The following KCNIP4 variants were observed in gnomAD, a reference collection of about 807,000 sequenced individuals.
The protein encoded by KCNIP4 is potassium voltage-gated channel interacting protein 4.
KCNIP4 carries 12 observed loss-of-function variants against 34.0 expected under a neutral mutation model. The observed-to-expected ratio is 0.35, with a 90% CI of 0.23 to 0.57. The LOEUF (loss-of-function observed/expected upper bound fraction) is 0.57. Ranked by LOEUF, KCNIP4 falls within the 20% of genes least tolerant of loss-of-function variation. The pLI is 0.83. For missense variants in KCNIP4, 238 were observed against 311.7 expected (o/e 0.76, Z 1.78); for synonymous variants, 124 against 102.2 (o/e 1.21, Z -1.29).
intron 1 of KCNIP4, among the ~76,000 whole-genome samples, chr4:21,695,638 T>C (rs1712229324): frequency 6.6e-6 from 1 of 152,142 alleles, no homozygotes; most frequent in African/African-American, 2.4e-5. Context: ...CCACTTACCA[T>C]TTTCGTAAAA....
chr4:20,869,974 G>C (rs1418824546), intron 2 of KCNIP4, among the ~76,000 whole-genome samples: 1 of 152,000 alleles, frequency 6.6e-6, no homozygotes, highest in Non-Finnish European at 1.5e-5. Flanking sequence ...ATAAAATAAT[G>C]TGTATAAAAC....
At chr4:21,866,947 A>G (rs1159436387) in intron 1 of KCNIP4, among the ~76,000 whole-genome samples, 2 of 151,492 alleles carry the variant, frequency 1.3e-5, no homozygotes, top group African/African-American at 2.4e-5. Flanking sequence ...AATTTTTTGT[A>G]TTTTTAGTAG....
intron 1 of KCNIP4, among the ~76,000 whole-genome samples, chr4:21,386,452 G>A (rs1722043845): frequency 6.6e-6 from 1 of 152,094 alleles, no homozygotes; most frequent in Non-Finnish European, 1.5e-5. Context: ...TCAGGAAAAT[G>A]CTCTCCATAT....
intron 1 of KCNIP4, among the ~76,000 whole-genome samples, chr4:21,829,898 T>C (rs1417046832): frequency 3.3e-5 from 5 of 151,794 alleles, no homozygotes; most frequent in African/African-American, 1.2e-4. Flanking sequence ...ATTAACCTAA[T>C]AGTAGAGGAA....
At chr4:20,950,089 T>C (rs1191833820) in intron 1 of KCNIP4, among the ~76,000 whole-genome samples, 2 of 146,498 alleles carry the variant, frequency 1.4e-5, no homozygotes, top group Admixed American at 1.4e-4. Flanking sequence ...AAAGCAATCA[T>C]GAATATCACA....
intron 1 of KCNIP4, chr4:21,656,937 C>T (rs1350471836): frequency 1.3e-5 from 2 of 152,278 alleles, no homozygotes; most frequent in African/African-American, 4.8e-5. Context: ...ACACGATGTT[C>T]CCCACACTTA....
chr4:21,611,100 A>G (rs1040394250), intron 1 of KCNIP4, among the ~76,000 whole-genome samples: 27 of 152,230 alleles, frequency 1.8e-4, no homozygotes, highest in Admixed American at 2.0e-4. Flanking sequence ...TAGTTTGCTG[A>G]GAATGATAGT....
intron 1 of KCNIP4, among the ~76,000 whole-genome samples, chr4:21,238,167 T>A (rs1367256126): frequency 6.6e-6 from 1 of 152,098 alleles, no homozygotes; most frequent in Admixed American, 6.6e-5. Context: ...AGGCCTTTGA[T>A]AAAATTCAAC....
rs142322618 is a variant in KCNIP4, at chr4:21,076,573, A to G, written c.62-193864T>C. Among the ~76,000 whole-genome samples, 6 of 152,290 alleles carry G rather than the reference A, an allele frequency of 3.9e-5. No homozygotes were observed. The East Asian group carries it at 1.2e-3, about 29-fold the overall frequency. On this transcript the variant is annotated intron_variant, in intron 1 of 8. Coordinates refer to ENST00000382152, the MANE Select transcript of KCNIP4 (RefSeq NM_025221.6). Reference sequence around the variant, plus strand: ...TATACTCAATAAAAATTGTTAATTGACTGAACAACTTTCCTAGGTTCATTG... The same window carrying G: ...TATACTCAATAAAAATTGTTAATTGGCTGAACAACTTTCCTAGGTTCATTG...
chr4:21,123,544 T>C (rs1750350781), intron 1 of KCNIP4, among the ~76,000 whole-genome samples: 1 of 152,232 alleles, frequency 6.6e-6, no homozygotes, highest in Non-Finnish European at 1.5e-5. Context: ...CACTATTTAC[T>C]ATATTAAATG....
At chr4:21,829,254 T>C (rs1264405529) in intron 1 of KCNIP4, among the ~76,000 whole-genome samples, 1 of 151,946 alleles carries the variant, frequency 6.6e-6, no homozygotes, top group Non-Finnish European at 1.5e-5. Context: ...ATAACCATTG[T>C]AAAGTAAAAA....
intron 1 of KCNIP4, among the ~76,000 whole-genome samples, chr4:21,543,447 C>T (rs1737868680): frequency 6.6e-6 from 1 of 151,802 alleles, no homozygotes; most frequent in Non-Finnish European, 1.5e-5. Context: ...AATCCTAAAA[C>T]TGTGTAATCT....
At chr4:20,913,892 A>C (rs984482295) in intron 1 of KCNIP4, among the ~76,000 whole-genome samples, 1 of 152,262 alleles carries the variant, frequency 6.6e-6, no homozygotes, top group African/African-American at 2.4e-5. Flanking sequence ...GCGGTGGCTC[A>C]TGCCTGTAAT....
At chr4:21,338,111 G>C (rs1716358989) in intron 1 of KCNIP4, among the ~76,000 whole-genome samples, 4 of 151,878 alleles carry the variant, frequency 2.6e-5, no homozygotes, top group African/African-American at 7.3e-5. Flanking sequence ...AAACAAGGGA[G>C]AATGAACCAA....
intron 1 of KCNIP4, among the ~76,000 whole-genome samples, chr4:20,961,552 G>A (rs549891736): frequency 3.8e-4 from 58 of 152,066 alleles, no homozygotes; most frequent in African/African-American, 1.4e-3. Context: ...AAAAACAAAA[G>A]GAAATTGATA....
intron 1 of KCNIP4, among the ~76,000 whole-genome samples, chr4:21,175,563 C>G (rs1754346202): frequency 1.3e-5 from 2 of 152,148 alleles, no homozygotes; most frequent in South Asian, 4.1e-4. Flanking sequence ...TTTATGGCTT[C>G]TCATTGGAAT....
intron 1 of KCNIP4, among the ~76,000 whole-genome samples, chr4:21,720,620 G>A (rs1247482146): frequency 6.7e-6 from 1 of 149,122 alleles, no homozygotes; most frequent in Non-Finnish European, 1.5e-5. Context: ...CCATGTTGGT[G>A]TGCTGCACCC....
intron 1 of KCNIP4, among the ~76,000 whole-genome samples, chr4:21,305,475 A>G (rs1712357890): frequency 6.6e-6 from 1 of 152,242 alleles, no homozygotes; most frequent in Non-Finnish European, 1.5e-5. Flanking sequence ...GGTGCTTTTC[A>G]CAAGTGTCTC....
chr4:21,052,109 G>A (rs1205371329), intron 1 of KCNIP4, among the ~76,000 whole-genome samples: 1 of 152,040 alleles, frequency 6.6e-6, no homozygotes, highest in African/African-American at 2.4e-5. Context: ...TTTTTTGTCT[G>A]TTCCTATCCT....
Sources: allele counts gnomAD v4.1 joint callset (sites outside exome capture counted in the v4.1 genomes callset), GRCh38; gene constraint gnomAD v4.1.1; transcripts MANE v1.5; gene names NCBI Gene and HGNC (gene_info 2026-07-23, HGNC 2026-07-21).